The following THADA variants were observed in gnomAD, a reference collection of about 807,000 sequenced individuals.
The protein encoded by THADA is tRNA (32-2'-O)-methyltransferase regulator THADA.
In THADA, 213 loss-of-function variants were observed where a neutral mutation model predicts 219.8. The ratio of observed to expected loss-of-function variants is 0.97; its 90% confidence interval spans 0.87 to 1.09. The LOEUF is 1.09. Among genes scored for constraint, THADA ranks in the 50% least tolerant of loss-of-function variants. The pLI, the probability that THADA is intolerant of heterozygous loss-of-function variation, is 0.00. For synonymous variants in THADA, 1,018 were observed against 828.9 expected (o/e 1.23, Z -3.92); for missense variants, 2,956 against 2,311.3 (o/e 1.28, Z -5.72).
intron 28 of THADA, among the ~76,000 whole-genome samples, chr2:43,401,542 T>G (rs1295604144): frequency 6.6e-6 from 1 of 152,194 alleles, no homozygotes; most frequent in African/African-American, 2.4e-5. Context: ...CCTCCCAAAG[T>G]GTTGGGATTA....
chr2:43,232,586 G>A (rs142430928), intron 37 of THADA, 127 bp downstream of exon 37: 2 of 1,043,728 alleles, frequency 1.9e-6, no homozygotes, highest in East Asian at 5.2e-5. Context: ...CCCAGTGGGT[G>A]ACTTTCCTAG....
intron 28 of THADA, among the ~76,000 whole-genome samples, chr2:43,423,780 G>A (rs1345362210): frequency 6.6e-6 from 1 of 152,058 alleles, no homozygotes; most frequent in Non-Finnish European, 1.5e-5. Context: ...AGAGCTCTTT[G>A]ACTGGAACTT....
intron 26 of THADA, among the ~76,000 whole-genome samples, chr2:43,456,216 TA>T (rs553040415): frequency 3.2e-4 from 49 of 152,268 alleles, no homozygotes; most frequent in Admixed American, 9.8e-4. Context: ...ATTAAAAGTT[TA>T]AAAAAAGTCA....
At chr2:43,240,602 G>A (rs1668519316) in intron 36 of THADA, among the ~76,000 whole-genome samples, 1 of 152,126 alleles carries the variant, frequency 6.6e-6, no homozygotes, top group Non-Finnish European at 1.5e-5. Flanking sequence ...GGGATTCCAG[G>A]TGGGGCACTC....
At chr2:43,398,188 T>G in intron 28 of THADA, 49 bp from the exon 29 acceptor site, 1 of 1,578,266 alleles carries the variant, frequency 6.3e-7, no homozygotes, top group Non-Finnish European at 8.7e-7. Context: ...TCTCCACATC[T>G]GTGACTTTGT....
At chr2:43,560,160 T>A in intron 16 of THADA, 74 bp downstream of exon 16, 2 of 1,317,396 alleles carry the variant, frequency 1.5e-6, no homozygotes, top group Non-Finnish European at 1.0e-6. Context: ...ACATGAATAA[T>A]CCTCAGATTG....
At chr2:43,325,856 T>C (rs1426273438) in intron 30 of THADA, among the ~76,000 whole-genome samples, 2 of 152,230 alleles carry the variant, frequency 1.3e-5, no homozygotes, top group Non-Finnish European at 2.9e-5. Flanking sequence ...AGTAAAATAA[T>C]TGACTGGTCT....
At chr2:43,538,937 C>T (rs571857102) in intron 21 of THADA, among the ~76,000 whole-genome samples, 8 of 152,196 alleles carry the variant, frequency 5.3e-5, no homozygotes, top group East Asian at 1.9e-4. Context: ...AAGTGGCCAC[C>T]GGTTTAAACA....
chr2:43,582,131 T>C (rs1700526026), intron 7 of THADA, among the ~76,000 whole-genome samples: 1 of 152,192 alleles, frequency 6.6e-6, no homozygotes, highest in Non-Finnish European at 1.5e-5. Context: ...TAACTTAATC[T>C]ACATGTCCCT....
rs984686041 is a variant in THADA, at chr2:43,566,481, T to C, written c.2311+217A>G. 4 of 721,520 alleles carry C rather than the reference T, an allele frequency of 5.5e-6. No individual in the cohort carries two copies. In the African/African-American group the frequency reaches 7.0e-5, roughly 13 times the overall value. The allele number at this position is 721,520 out of a possible 1,614,324, so 44.7% of individuals were successfully genotyped here. ...AGCATAATCCATGAAAATTATACTT[T>C]GGGGTTGGCAAATAATGATCAATGA... On this transcript the variant is annotated intron_variant, in intron 15 of 37. Coordinates refer to ENST00000405975, the MANE Select transcript of THADA (RefSeq NM_022065.5).
intron 16 of THADA, 31 bp downstream of exon 16, chr2:43,560,203 T>C (rs1261343535): frequency 1.3e-6 from 2 of 1,587,210 alleles, no homozygotes; most frequent in African/African-American, 1.4e-5. Flanking sequence ...TCCATGCATA[T>C]ACCACATTTA....
intron 26 of THADA, among the ~76,000 whole-genome samples, chr2:43,452,494 C>G (rs1220309701): frequency 6.6e-6 from 1 of 151,996 alleles, no homozygotes; most frequent in African/African-American, 2.4e-5. Context: ...ATTAGACATT[C>G]CAAGGTTTCT....
chr2:43,494,214 G>C (rs1053381016), intron 25 of THADA, among the ~76,000 whole-genome samples: 1 of 152,206 alleles, frequency 6.6e-6, no homozygotes, highest in Non-Finnish European at 1.5e-5. Flanking sequence ...GTTCCAAAAG[G>C]TGGTAGTTTC....
intron 36 of THADA, among the ~76,000 whole-genome samples, chr2:43,251,988 C>A (rs2104139709): frequency 6.6e-6 from 1 of 152,254 alleles, no homozygotes; most frequent in East Asian, 1.9e-4. Flanking sequence ...TCCTTCTGTC[C>A]CTGAGTCTCT....
intron 30 of THADA, among the ~76,000 whole-genome samples, chr2:43,336,591 G>A (rs976876847): frequency 6.6e-6 from 1 of 151,054 alleles, no homozygotes; most frequent in African/African-American, 2.4e-5. Flanking sequence ...TTTTTTTGAA[G>A]TGCCATAAGC....
chr2:43,507,833 C>T (rs917548220), intron 23 of THADA, among the ~76,000 whole-genome samples: 1 of 152,152 alleles, frequency 6.6e-6, no homozygotes, highest in Non-Finnish European at 1.5e-5. Context: ...ATGAAGGTAA[C>T]AGTCTTAATT....
At chr2:43,314,993 C>T (rs1474121871) in intron 31 of THADA, among the ~76,000 whole-genome samples, 2 of 152,210 alleles carry the variant, frequency 1.3e-5, no homozygotes, top group Non-Finnish European at 2.9e-5. Context: ...CTGCCTTTCT[C>T]CTTCACTGTT....
rs59134966 is a variant in THADA at position 43,506,346 on chromosome 2, C to T, written c.3508-611G>A. On this transcript the variant is annotated intron_variant, in intron 23 of 37. Transcript: ENST00000405975. ...ACTTACTTTGTATCTAACACTTTGC[C>T]GATGTCCAATAAACATAAAAATAGG... Among the ~76,000 whole-genome samples, 60 of 152,136 alleles carry T rather than the reference C, an allele frequency of 3.9e-4. 2 individuals are homozygous for T. In the East Asian group the frequency reaches 0.011, roughly 29 times the overall value.
At position 43,232,774 on chromosome 2, in the gene THADA, A is replaced by T. The variant is rs759984808; in HGVS notation, c.5405T>A (p.Leu1802Gln). The T allele has an allele frequency of 1.2e-6, 2 of 1,613,786 alleles. No homozygotes were observed. Among genetic ancestry groups the T allele is most frequent in the Non-Finnish European group, 1.7e-6 (2 of 1,179,820 alleles). ...ACTCTCTCCCAACAGCCATCCCAGC[A>T]GGATGGGCAGTCCAGGGGCCAACTG... The part of the protein sequence containing the change: ...WDQLAPGLPI[L>Q]LGWLLGESDD... The change falls in exon 37 of 38, where the codon CTG (leucine) becomes CAG (glutamine). Residue 1802 changes from leucine (L) to glutamine (Q), a missense_variant. Transcript: ENST00000405975.
Sources: gnomAD v4.1 joint callset for allele counts (sites outside exome capture counted in the v4.1 genomes callset) on GRCh38, gnomAD v4.1.1 for gene constraint, MANE v1.5 for transcripts, NCBI Gene and HGNC (gene_info 2026-07-23, HGNC 2026-07-21) for gene names.